Variants in LUC7L2 observed in about 807,000 individuals in gnomAD.
The protein encoded by LUC7L2 is LUC7 like 2, pre-mRNA splicing factor.
A neutral mutation model predicts 52.8 loss-of-function variants in LUC7L2; 25 were observed. The observed-to-expected ratio is 0.47, with a 90% CI of 0.34 to 0.66. The LOEUF is 0.66. Ranked by LOEUF, LUC7L2 falls within the 30% of genes least tolerant of loss-of-function variation. The pLI is 0.01. For missense variants in LUC7L2, 328 were observed against 497.8 expected (o/e 0.66, Z 3.25); for synonymous variants, 144 against 160.9 (o/e 0.89, Z 0.80).
intron 1 of LUC7L2, among the ~76,000 whole-genome samples, chr7:139,340,960 A>G (rs1044738579): frequency 3.3e-5 from 5 of 152,118 alleles, no homozygotes; most frequent in African/African-American, 9.7e-5. Context: ...GGAGACGTCA[A>G]TACGTTGAAT....
At chr7:139,345,911 TA>T (rs869136236) in intron 1 of LUC7L2, 31 of 499,044 alleles carry the variant, frequency 6.2e-5, no homozygotes, top group South Asian at 1.6e-4. Context: ...TTTTTCTACT[TA>T]AAAAAATTTT....
chr7:139,371,560 G>C (rs1800450920), intron 1 of LUC7L2: 1 of 1,307,482 alleles, frequency 7.6e-7, no homozygotes, highest in Non-Finnish European at 1.1e-6. Flanking sequence ...GGGTAGTACT[G>C]GGGGGAGGGG....
At chr7:139,396,272 A>G (rs934574597) in intron 2 of LUC7L2, among the ~76,000 whole-genome samples, 2 of 151,816 alleles carry the variant, frequency 1.3e-5, no homozygotes, top group Non-Finnish European at 2.9e-5. Flanking sequence ...CTTTGTCTCT[A>G]CTTAAAAAAA....
chr7:139,392,920 C>G (rs1220763617), intron 2 of LUC7L2, among the ~76,000 whole-genome samples: 1 of 151,670 alleles, frequency 6.6e-6, no homozygotes, highest in Non-Finnish European at 1.5e-5. Flanking sequence ...TCACAAAGTG[C>G]TGGAATTATA....
At chr7:139,341,360 A>G (rs1798946698) in intron 1 of LUC7L2, 25 of 1,595,802 alleles carry the variant, frequency 1.6e-5, no homozygotes, top group Non-Finnish European at 2.0e-5. Context: ...GCCGTTGGGC[A>G]CCACGCTCGG....
At chr7:139,371,594 C>A in intron 1 of LUC7L2, 1 of 1,170,652 alleles carries the variant, frequency 8.5e-7, no homozygotes, top group Non-Finnish European at 1.2e-6. Context: ...AGATAGCATG[C>A]AAAGTATAAA....
chr7:139,376,231 TG>T, intron 2 of LUC7L2, 75 bp downstream of exon 2: 4 of 1,477,754 alleles, frequency 2.7e-6, no homozygotes, highest in Non-Finnish European at 3.7e-6. Context: ...GTCTTAATTC[TG>T]TGTCAAAAGA....
chr7:139,372,777 A>C (rs1190937620), intron 1 of LUC7L2, among the ~76,000 whole-genome samples: 1 of 152,120 alleles, frequency 6.6e-6, no homozygotes, highest in Non-Finnish European at 1.5e-5. Flanking sequence ...CTGTCTCTAC[A>C]AAAAAATTTA....
At chr7:139,397,899 T>C (rs149463350) in intron 2 of LUC7L2, among the ~76,000 whole-genome samples, 240 of 152,378 alleles carry the variant, frequency 1.6e-3, no homozygotes, top group African/African-American at 5.4e-3. Context: ...ATGCTTGTTC[T>C]CTGTGCACTT....
intron 1 of LUC7L2, among the ~76,000 whole-genome samples, chr7:139,368,782 A>G (rs1369811534): frequency 6.6e-6 from 1 of 152,052 alleles, no homozygotes; most frequent in Admixed American, 6.6e-5. Flanking sequence ...TTACAAATAA[A>G]GTCTTTTGTG....
intron 1 of LUC7L2, chr7:139,344,761 G>A (rs1799188917): frequency 7.3e-6 from 1 of 137,658 alleles, no homozygotes; most frequent in Non-Finnish European, 1.5e-5. Context: ...GGAGTGCAGT[G>A]GCCCGATCTT....
At chr7:139,415,706 G>A (rs193148640) in intron 8 of LUC7L2, among the ~76,000 whole-genome samples, 77 of 151,450 alleles carry the variant, frequency 5.1e-4, no homozygotes, top group Middle Eastern at 6.8e-3. Flanking sequence ...TGTTGCTCAG[G>A]CTGGTCTTGA....
upstream of LUC7L2, among the ~76,000 whole-genome samples, chr7:139,356,855 A>C (rs1177706865): frequency 6.6e-6 from 1 of 152,218 alleles, no homozygotes; most frequent in East Asian, 1.9e-4. Flanking sequence ...AACTTCAGAC[A>C]AAAAGGAAAT....
At chr7:139,420,098 G>A (rs1795820245) in intron 9 of LUC7L2, among the ~76,000 whole-genome samples, 1 of 152,192 alleles carries the variant, frequency 6.6e-6, no homozygotes, top group Admixed American at 6.5e-5. Flanking sequence ...ATAGTGCCCT[G>A]CGTAAATGAG....
At chr7:139,388,211 T>C (rs1043001620) in intron 2 of LUC7L2, among the ~76,000 whole-genome samples, 8 of 152,232 alleles carry the variant, frequency 5.3e-5, no homozygotes, top group Non-Finnish European at 1.2e-4. Flanking sequence ...CACCATAGTC[T>C]TTGTGTGATA....
intron 1 of LUC7L2, chr7:139,340,746 T>G: frequency 5.3e-6 from 2 of 377,942 alleles, no homozygotes; most frequent in Non-Finnish European, 4.7e-6. Context: ...AAGCCAGGGA[T>G]TGTGGGTTCG....
At chr7:139,417,321 G>A (rs1314208388) in intron 8 of LUC7L2, 4 of 549,066 alleles carry the variant, frequency 7.3e-6, no homozygotes, top group African/African-American at 1.9e-5. Context: ...GATTACAGGT[G>A]TGAGCCACGG....
At chr7:139,371,545 AG>A in intron 1 of LUC7L2, 1 of 509,350 alleles carries the variant, frequency 2.0e-6, no homozygotes, top group Non-Finnish European at 3.6e-6. Context: ...TGGGAGGGAG[AG>A]GGTGGGTAGT....
At chr7:139,363,712 A>G (rs920677430) in intron 1 of LUC7L2, among the ~76,000 whole-genome samples, 6 of 152,110 alleles carry the variant, frequency 3.9e-5, no homozygotes, top group Non-Finnish European at 5.9e-5. Flanking sequence ...TATTCATTCT[A>G]TTTGAAAGCA....
Sources: allele counts gnomAD v4.1 joint callset (sites outside exome capture counted in the v4.1 genomes callset), GRCh38; gene constraint gnomAD v4.1.1; transcripts MANE v1.5; gene names NCBI Gene and HGNC (gene_info 2026-07-23, HGNC 2026-07-21).